CACNA2D1: variants seen among roughly 807,000 people sequenced by gnomAD.
CACNA2D1 encodes calcium voltage-gated channel auxiliary subunit alpha2delta 1, also known as voltage-dependent calcium channel subunit alpha-2/delta-1.
In CACNA2D1, 53 loss-of-function variants were observed where a neutral mutation model predicts 171.5. That is an observed-to-expected ratio of 0.31 (90% CI 0.25 to 0.39). The LOEUF (loss-of-function observed/expected upper bound fraction) is 0.39. CACNA2D1 is among the 10% of genes least tolerant of loss of function. The pLI, the probability that CACNA2D1 is intolerant of heterozygous loss-of-function variation, is 1.00. For missense variants in CACNA2D1, 903 were observed against 1,299.8 expected (o/e 0.69, Z 4.69); for synonymous variants, 442 against 443.1 (o/e 1.00, Z 0.03).
intron 3 of CACNA2D1, among the ~76,000 whole-genome samples, chr7:82,178,463 C>T (rs989333965): frequency 2.6e-5 from 4 of 152,070 alleles, no homozygotes; most frequent in Admixed American, 2.6e-4. Flanking sequence ...TGCAGCTCTA[C>T]GTTTTGCCAC....
intron 3 of CACNA2D1, among the ~76,000 whole-genome samples, chr7:82,200,128 A>C (rs1799262687): frequency 1.3e-5 from 2 of 152,182 alleles, no homozygotes; most frequent in African/African-American, 2.4e-5. Context: ...GTGCAAACAC[A>C]CATATACGTA....
intron 38 of CACNA2D1, among the ~76,000 whole-genome samples, 186 bp downstream of exon 38, chr7:81,959,089 C>T (rs1793786257): frequency 6.6e-6 from 1 of 151,886 alleles, no homozygotes. Context: ...AAGCAACTGT[C>T]AAGTTTATGC....
chr7:82,353,896 C>A (rs550346753), intron 1 of CACNA2D1, among the ~76,000 whole-genome samples: 29 of 152,078 alleles, frequency 1.9e-4, no homozygotes, highest in African/African-American at 6.7e-4. Flanking sequence ...TGATGGGGTA[C>A]AGGAAATGCC....
At chr7:82,419,648 T>C (rs527986844) in intron 1 of CACNA2D1, among the ~76,000 whole-genome samples, 23 of 152,320 alleles carry the variant, frequency 1.5e-4, no homozygotes, top group African/African-American at 5.5e-4. Context: ...ACTACCCAAT[T>C]TACCTGTTTT....
At chr7:82,184,425 T>C (rs1797460583) in intron 3 of CACNA2D1, among the ~76,000 whole-genome samples, 1 of 152,090 alleles carries the variant, frequency 6.6e-6, no homozygotes, top group Non-Finnish European at 1.5e-5. Context: ...GAGAACATGA[T>C]TTTTTTAATG....
Position 81,959,427 on chromosome 7 carries a change from G to GTATT in CACNA2D1, c.3077-74_3077-71dup. The GTATT allele has an allele frequency of 4.7e-6, 5 of 1,055,396 alleles. No individual in the cohort carries two copies. In the South Asian group the frequency reaches 6.3e-5, roughly 13 times the overall value. 65.4% of individuals were successfully genotyped at this position (1,055,396 alleles called of 1,614,324 possible). On this transcript the variant is annotated intron_variant, in intron 37 of 38. Transcript: ENST00000356860. ...TGATTAAAAATAAATACAATGCAAT[G>GTATT]TATTTCCCAAAACATGTGAGAGAGA...
intron 35 of CACNA2D1, 137 bp from the exon 36 acceptor site, chr7:81,962,160 G>T: frequency 1.3e-6 from 1 of 771,326 alleles, no homozygotes; most frequent in Non-Finnish European, 2.2e-6. Flanking sequence ...CTTGTTTACT[G>T]CTGTGTAATA....
chr7:82,066,391 C>T, intron 8 of CACNA2D1, 64 bp downstream of exon 8: 9 of 1,585,238 alleles, frequency 5.7e-6, no homozygotes, highest in Non-Finnish European at 7.7e-6. Flanking sequence ...AAAATTCTGA[C>T]TTTTTAGCAA....
Position 81,950,176 on chromosome 7 carries a change from T to A in CACNA2D1, c.*216A>T. 1 of 750,378 alleles carries A rather than the reference T, an allele frequency of 1.3e-6. No individual in the cohort carries two copies. The highest frequency in any genetic ancestry group is 2.7e-5 in the East Asian group (1 of 36,478). The allele number at this position is 750,378 out of a possible 1,614,324, so 46.5% of individuals were successfully genotyped here. ...TAGGATTTTGCTTTGATGTTACACATAGATGATGCAGCATTCACACACGTT... is the reference window on the plus strand; with the variant it reads ...TAGGATTTTGCTTTGATGTTACACAAAGATGATGCAGCATTCACACACGTT... On this transcript the variant is annotated 3_prime_UTR_variant, in exon 39 of 39. Transcript: ENST00000356860.
chr7:82,016,616 C>A (rs1199529517), intron 12 of CACNA2D1, among the ~76,000 whole-genome samples: 7 of 130,314 alleles, frequency 5.4e-5, no homozygotes, highest in Non-Finnish European at 1.0e-4. Flanking sequence ...GCCCGCCCCC[C>A]CCCCCCAAAA....
At chr7:82,026,491 G>A (rs1584463232) in intron 12 of CACNA2D1, among the ~76,000 whole-genome samples, 2 of 151,488 alleles carry the variant, frequency 1.3e-5, no homozygotes, top group Non-Finnish European at 3.0e-5. Context: ...TAAATCTATC[G>A]AATTTCATTT....
At chr7:82,202,128 T>C (rs928372893) in intron 3 of CACNA2D1, among the ~76,000 whole-genome samples, 2 of 152,178 alleles carry the variant, frequency 1.3e-5, no homozygotes, top group African/African-American at 4.8e-5. Context: ...TGATCACCCA[T>C]GTGAGTTCGT....
chr7:82,032,750 C>A (rs1174028964), intron 12 of CACNA2D1, 47 bp downstream of exon 12: 4 of 1,092,158 alleles, frequency 3.7e-6, no homozygotes, highest in South Asian at 1.4e-5. Flanking sequence ...TCTTTAAAAA[C>A]CACCTAGATC....
intron 1 of CACNA2D1, among the ~76,000 whole-genome samples, chr7:82,397,020 T>C (rs1825817346): frequency 6.6e-6 from 1 of 152,222 alleles, no homozygotes; most frequent in African/African-American, 2.4e-5. Flanking sequence ...GATTTCTTCA[T>C]GTCTTTCACC....
At chr7:82,263,498 G>A (rs1454864153) in intron 3 of CACNA2D1, among the ~76,000 whole-genome samples, 4 of 152,094 alleles carry the variant, frequency 2.6e-5, no homozygotes, top group Non-Finnish European at 5.9e-5. Flanking sequence ...GGTGATGAGT[G>A]AGGAAAGATA....
intron 15 of CACNA2D1, among the ~76,000 whole-genome samples, chr7:82,008,656 AATT>A (rs1334563390): frequency 6.6e-6 from 1 of 152,102 alleles, no homozygotes; most frequent in Admixed American, 6.6e-5. Context: ...CTAAATGAGA[AATT>A]ATTATTAATC....
intron 3 of CACNA2D1, among the ~76,000 whole-genome samples, chr7:82,317,844 A>G (rs914103118): frequency 2.0e-5 from 3 of 152,020 alleles, no homozygotes; most frequent in East Asian, 1.9e-4. Context: ...TTATTTGGGG[A>G]AAAAGAATGA....
chr7:81,967,597 G>A lies in CACNA2D1; in HGVS notation c.2462C>T (p.Pro821Leu), dbSNP rs1362275433. 9 of 1,470,234 alleles carry A rather than the reference G, an allele frequency of 6.1e-6. No homozygotes were observed. The highest frequency in any genetic ancestry group is 8.5e-6 in the Non-Finnish European group (9 of 1,057,058). The allele number at this position is 1,470,234 out of a possible 1,614,324, so 91.1% of individuals were successfully genotyped here. Residue 821 changes from proline (P) to leucine (L), a missense_variant and splice_region_variant, in exon 30 of 39, where the codon CCG becomes CTG. Pro to Leu is a moderately conservative substitution (Grantham distance 98, BLOSUM62 -3). Transcript: ENST00000356860. Reference sequence around the variant, plus strand: ...AAGAATTTTTTAAAAATATCTTACCGGATCTCTGATTGAGGTTTTGGTGAA... The same window carrying A: ...AAGAATTTTTTAAAAATATCTTACCAGATCTCTGATTGAGGTTTTGGTGAA... ...ENFTKTSIRD[P>L]CAGPVCDCKR... is the part of the protein sequence containing the mutation.
intron 9 of CACNA2D1, among the ~76,000 whole-genome samples, chr7:82,061,396 G>A (rs1418671778): frequency 6.6e-6 from 1 of 152,072 alleles, no homozygotes; most frequent in African/African-American, 2.4e-5. Context: ...AAGATGCTGA[G>A]CTACAGTAAT....
Sources: allele counts gnomAD v4.1 joint callset (sites outside exome capture counted in the v4.1 genomes callset), GRCh38; gene constraint gnomAD v4.1.1; transcripts MANE v1.5; gene names NCBI Gene and HGNC (gene_info 2026-07-23, HGNC 2026-07-21).